The following COL25A1 variants were observed in gnomAD, a reference collection of about 807,000 sequenced individuals.
COL25A1 encodes the protein collagen alpha-1(XXV) chain.
COL25A1 carries 103 observed loss-of-function variants against 128.4 expected under a neutral mutation model. The observed-to-expected ratio is 0.80, with a 90% CI of 0.68 to 0.94. COL25A1 has a LOEUF of 0.94. Ranked by LOEUF, COL25A1 falls within the 40% of genes least tolerant of loss-of-function variation. COL25A1 has a pLI of 0.00. For missense variants in COL25A1, 745 were observed against 840.0 expected (o/e 0.89, Z 1.40); for synonymous variants, 279 against 277.2 (o/e 1.01, Z -0.06).
intron 3 of COL25A1, among the ~76,000 whole-genome samples, chr4:109,067,703 T>A (rs1454477199): frequency 6.6e-6 from 1 of 152,158 alleles, no homozygotes; most frequent in Non-Finnish European, 1.5e-5. Context: ...GAAAGTAATA[T>A]CTCCCTCAAG....
chr4:109,102,136 C>T (rs747079448), intron 3 of COL25A1, among the ~76,000 whole-genome samples: 8 of 152,056 alleles, frequency 5.3e-5, no homozygotes, highest in Admixed American at 1.3e-4. Flanking sequence ...ACTAACTTCA[C>T]AAAAACTCAA....
intron 3 of COL25A1, among the ~76,000 whole-genome samples, chr4:109,080,898 T>C (rs1337974674): frequency 6.6e-6 from 1 of 152,228 alleles, no homozygotes; most frequent in African/African-American, 2.4e-5. Flanking sequence ...GCTCATATGA[T>C]ACGCCAAGCA....
At chr4:109,208,740 C>T (rs370997177) in intron 3 of COL25A1, among the ~76,000 whole-genome samples, 9 of 152,186 alleles carry the variant, frequency 5.9e-5, no homozygotes, top group African/African-American at 2.2e-4. Context: ...CATAACTTTC[C>T]TATATCTTAC....
rs1725533756 is a variant in COL25A1, at chr4:109,301,593, C to T, written c.297+130G>A. 1.1e-5 allele frequency: 11 copies of T among 998,832 alleles called. No homozygotes were observed. The Admixed American group carries it at 2.4e-4, about 22-fold the overall frequency. The allele number at this position is 998,832 out of a possible 1,614,324, so 61.9% of individuals were successfully genotyped here. The stretch of plus-strand genomic sequence containing the variant: ...ACAGTGAGCATAGATCCTTGGCCAA[C>T]ACATGCACGCGCGCGCACACACACA... On this transcript the variant is annotated intron_variant, in intron 2 of 37. Coordinates refer to ENST00000399132, the MANE Select transcript of COL25A1 (RefSeq NM_198721.4).
At chr4:108,858,817 A>C (rs1736823376) in intron 24 of COL25A1, among the ~76,000 whole-genome samples, 1 of 152,194 alleles carries the variant, frequency 6.6e-6, no homozygotes, top group African/African-American at 2.4e-5. Context: ...CAGAGAAAAA[A>C]AATGGAAAAA....
intron 3 of COL25A1, among the ~76,000 whole-genome samples, chr4:109,099,897 T>A (rs879353659): frequency 6.6e-6 from 1 of 152,166 alleles, no homozygotes; most frequent in Non-Finnish European, 1.5e-5. Flanking sequence ...CATCTTTCAA[T>A]CAAATTAAAA....
At position 108,827,123 on chromosome 4, in the gene COL25A1, C is replaced by T. The variant is rs753700130; in HGVS notation, c.1764+12G>A. ...GCGGAAGGTGGGGAGGTGCATGTGA[C>T]CAGGAACTCACAGGCAGCCCATAGG... On this transcript the variant is annotated intron_variant, in intron 33 of 37. Transcript: ENST00000399132. The T allele has an allele frequency of 1.3e-5, 21 of 1,612,348 alleles. No individual in the cohort carries two copies. In the African/African-American group the frequency reaches 2.7e-4, roughly 21 times the overall value.
Position 109,147,635 on chromosome 4 carries a change from G to A in COL25A1, c.368-97456C>T, listed in dbSNP as rs572889920. ...AGTTCGAGACCAGCCTGGCCAATGTGGTGAAACCCTGTCTCTAGTCAAAAT... is the reference window on the plus strand; with the variant it reads ...AGTTCGAGACCAGCCTGGCCAATGTAGTGAAACCCTGTCTCTAGTCAAAAT... On this transcript the variant is annotated intron_variant, in intron 3 of 37. Transcript: ENST00000399132. 1.4e-4 allele frequency among the ~76,000 whole-genome samples: 22 copies of A among 152,120 alleles called. 1 individual carries two copies. In the South Asian group the frequency reaches 3.7e-3, roughly 26 times the overall value.
At chr4:109,301,450 C>T (rs1725515414) in intron 2 of COL25A1, among the ~76,000 whole-genome samples, 1 of 152,146 alleles carries the variant, frequency 6.6e-6, no homozygotes, top group Non-Finnish European at 1.5e-5. Context: ...ATAAAATGCC[C>T]TTTCCGAACC....
intron 3 of COL25A1, among the ~76,000 whole-genome samples, chr4:109,223,887 T>C (rs975201027): frequency 2.6e-5 from 4 of 152,206 alleles, no homozygotes; most frequent in Non-Finnish European, 5.9e-5. Flanking sequence ...GAGTGTAAGA[T>C]ACTGATATCC....
intron 8 of COL25A1, among the ~76,000 whole-genome samples, chr4:108,962,686 T>C (rs2125971746): frequency 6.6e-6 from 1 of 152,294 alleles, no homozygotes; most frequent in East Asian, 1.9e-4. Flanking sequence ...GCCCGGAAGT[T>C]CTTGGTACGT....
chr4:109,218,794 G>GT (rs1418427002), intron 3 of COL25A1, among the ~76,000 whole-genome samples: 1 of 152,072 alleles, frequency 6.6e-6, no homozygotes, highest in Admixed American at 6.6e-5. Flanking sequence ...TCTCATGGGA[G>GT]TTTTTTATCT....
intron 19 of COL25A1, among the ~76,000 whole-genome samples, chr4:108,875,917 A>G (rs1262008953): frequency 6.6e-6 from 1 of 152,198 alleles, no homozygotes; most frequent in Non-Finnish European, 1.5e-5. Context: ...TTGCAAGGAC[A>G]TAGATAAAGC....
intron 3 of COL25A1, among the ~76,000 whole-genome samples, chr4:109,149,575 A>G (rs971139811): frequency 1.3e-5 from 2 of 152,194 alleles, no homozygotes; most frequent in African/African-American, 4.8e-5. Flanking sequence ...AGCCATAAGG[A>G]TAATATATGT....
In COL25A1 at chr4:109,298,038, G is replaced by A. The variant is rs904046088; in HGVS notation, c.367+2545C>T. 1.1e-4 allele frequency among the ~76,000 whole-genome samples: 17 copies of A among 151,814 alleles called. No homozygotes were observed. The South Asian group carries it at 3.1e-3, about 28-fold the overall frequency. On this transcript the variant is annotated intron_variant, in intron 3 of 37. Coordinates refer to ENST00000399132, the MANE Select transcript of COL25A1 (RefSeq NM_198721.4). ...TATTCCTTGGTAGACTGGGCTTTTA[G>A]TTCTATCAGATGTGGGCATGAATCC...
intron 3 of COL25A1, among the ~76,000 whole-genome samples, chr4:109,241,626 C>CA (rs34490958): frequency 0.44 from 58,417 of 133,716 alleles, 12,572 homozygotes; most frequent in East Asian, 0.62. Flanking sequence ...TCTGTCTAGC[C>CA]AAAAAAAAAA....
intron 8 of COL25A1, among the ~76,000 whole-genome samples, chr4:108,962,638 C>T (rs575230165): frequency 1.3e-5 from 2 of 152,182 alleles, no homozygotes; most frequent in African/African-American, 4.8e-5. Context: ...CAACCAGATT[C>T]GTGCTAAATT....
At chr4:108,922,228 G>A (rs1745570848) in intron 11 of COL25A1, among the ~76,000 whole-genome samples, 1 of 152,156 alleles carries the variant, frequency 6.6e-6, no homozygotes, top group Admixed American at 6.5e-5. Context: ...CTAAGTAAGG[G>A]CAGAATTTGG....
intron 3 of COL25A1, among the ~76,000 whole-genome samples, chr4:109,291,947 T>C (rs1255409847): frequency 1.3e-5 from 2 of 152,150 alleles, no homozygotes; most frequent in Non-Finnish European, 2.9e-5. Context: ...ATATGAATAG[T>C]CACTTTTAGA....
Sources: allele counts gnomAD v4.1 joint callset (sites outside exome capture counted in the v4.1 genomes callset), GRCh38; gene constraint gnomAD v4.1.1; transcripts MANE v1.5; gene names NCBI Gene and HGNC (gene_info 2026-07-23, HGNC 2026-07-21).